RSU1: variants seen among roughly 807,000 people sequenced by gnomAD.
RSU1 encodes the protein rsu-1.
Under a neutral mutation model 31.1 loss-of-function variants are expected in RSU1, and 26 were observed. That is an observed-to-expected ratio of 0.84 (90% CI 0.61 to 1.16). RSU1 has a LOEUF of 1.16. Ranked by LOEUF, RSU1 falls within the 50% of genes most tolerant of loss-of-function variation. The pLI is 0.00. For missense variants in RSU1, 320 were observed against 339.1 expected, an observed-to-expected ratio of 0.94 and a Z score of 0.44; for synonymous variants, 164 against 136.3, an observed-to-expected ratio of 1.20 and a Z score of -1.41.
chr10:16,741,158 A>G (rs770212458), intron 7 of RSU1, among the ~76,000 whole-genome samples: 12 of 152,344 alleles, frequency 7.9e-5, no homozygotes, highest in Admixed American at 2.6e-4. Flanking sequence ...ATAAAACTAT[A>G]TATCTGCTGT....
rs118085194 is a variant in RSU1, at chr10:16,638,297, C to G, written c.732-44801G>C. On this transcript the variant is annotated intron_variant, in intron 8 of 8. Coordinates refer to ENST00000345264, the MANE Select transcript of RSU1 (RefSeq NM_012425.4). ...TTCCAAGCTCATTTGAACGTAATGC[C>G]TTTTTTTCGCGCGCATGTGTGTAGT... Among the ~76,000 whole-genome samples the G allele has an allele frequency of 9.5e-4, 144 of 152,096 alleles. 2 individuals are homozygous for G. The East Asian group carries it at 0.027, about 29-fold the overall frequency.
chr10:16,659,419 T>G (rs992809655), intron 8 of RSU1, among the ~76,000 whole-genome samples: 3 of 152,152 alleles, frequency 2.0e-5, no homozygotes, highest in Non-Finnish European at 2.9e-5. Context: ...ACCGATTTTT[T>G]GTGTACTTCA....
chr10:16,733,497 G>A (rs1014251084), intron 7 of RSU1, among the ~76,000 whole-genome samples: 4 of 152,026 alleles, frequency 2.6e-5, no homozygotes, highest in Admixed American at 6.6e-5. Context: ...GACAGAGTGA[G>A]ACTCTGTCGC....
At chr10:16,727,113 CA>C (rs1250754102) in intron 7 of RSU1, 2 of 456,440 alleles carry the variant, frequency 4.4e-6, no homozygotes, top group Non-Finnish European at 8.8e-6. Flanking sequence ...TGGTTTTTGC[CA>C]AGATGCCTAC....
intron 8 of RSU1, among the ~76,000 whole-genome samples, chr10:16,670,952 G>C (rs895028081): frequency 1.3e-5 from 2 of 152,032 alleles, no homozygotes; most frequent in Non-Finnish European, 2.9e-5. Flanking sequence ...TTTTAGTAGA[G>C]AAGGGGTTTC....
intron 7 of RSU1, among the ~76,000 whole-genome samples, chr10:16,750,279 C>A (rs550313884): frequency 1.3e-5 from 2 of 152,116 alleles, no homozygotes; most frequent in Non-Finnish European, 2.9e-5. Flanking sequence ...AAAGGTTTAT[C>A]ACGTACTTAC....
intron 8 of RSU1, among the ~76,000 whole-genome samples, chr10:16,639,370 C>A (rs751044488): frequency 3.3e-5 from 5 of 152,186 alleles, no homozygotes; most frequent in Non-Finnish European, 5.9e-5. Flanking sequence ...AAACAGCAGC[C>A]CTTACTATTA....
chr10:16,749,427 C>T (rs1836926821), intron 7 of RSU1, among the ~76,000 whole-genome samples: 1 of 152,134 alleles, frequency 6.6e-6, no homozygotes, highest in Non-Finnish European at 1.5e-5. Context: ...GGAAATTTCA[C>T]AGAAATCTCA....
chr10:16,709,841 T>C (rs1835982036), intron 7 of RSU1, among the ~76,000 whole-genome samples: 1 of 152,126 alleles, frequency 6.6e-6, no homozygotes, highest in South Asian at 2.1e-4. Flanking sequence ...TTTGATGGGG[T>C]TGTTTTTTTC....
intron 2 of RSU1, among the ~76,000 whole-genome samples, chr10:16,793,930 C>T (rs1367844544): frequency 6.6e-6 from 1 of 151,678 alleles, no homozygotes; most frequent in Non-Finnish European, 1.5e-5. Context: ...GCATTTGAAT[C>T]AGGGGACTGA....
At chr10:16,713,288 TTC>T (rs1836060372) in intron 7 of RSU1, among the ~76,000 whole-genome samples, 1 of 152,230 alleles carries the variant, frequency 6.6e-6, no homozygotes, top group African/African-American at 2.4e-5. Context: ...TACATAGGTT[TTC>T]TGTGTCTTTC....
chr10:16,711,139 T>A (rs1836009154), intron 7 of RSU1, among the ~76,000 whole-genome samples: 1 of 152,228 alleles, frequency 6.6e-6, no homozygotes, highest in African/African-American at 2.4e-5. Flanking sequence ...TGAATCTCAG[T>A]AGTTTGTATA....
At chr10:16,815,490 CTT>C (rs1838509896) in intron 2 of RSU1, among the ~76,000 whole-genome samples, 1 of 152,192 alleles carries the variant, frequency 6.6e-6, no homozygotes, top group South Asian at 2.1e-4. Context: ...CTTCTTCTCT[CTT>C]GTCACATCCT....
intron 5 of RSU1, 29 bp from the exon 6 acceptor site, chr10:16,753,029 G>A (rs1409110290): frequency 6.4e-7 from 1 of 1,569,286 alleles, no homozygotes. Context: ...TATATAAACA[G>A]GGTGGCATGG....
intron 3 of RSU1, among the ~76,000 whole-genome samples, chr10:16,769,710 C>A (rs549803957): frequency 1.3e-5 from 2 of 152,344 alleles, no homozygotes; most frequent in Admixed American, 1.3e-4. Context: ...TCATTGGCAG[C>A]ATCACGATTA....
At chr10:16,803,065 G>C (rs1410516339) in intron 2 of RSU1, among the ~76,000 whole-genome samples, 1 of 152,098 alleles carries the variant, frequency 6.6e-6, no homozygotes, top group Non-Finnish European at 1.5e-5. Flanking sequence ...AATGTATGCA[G>C]ATTGGAAAGG....
At chr10:16,754,705 A>G (rs1245525541) in intron 5 of RSU1, among the ~76,000 whole-genome samples, 166 bp downstream of exon 5, 2 of 152,172 alleles carry the variant, frequency 1.3e-5, no homozygotes, top group Non-Finnish European at 2.9e-5. Flanking sequence ...GATCTATCAA[A>G]TGCACATACT....
intron 2 of RSU1, among the ~76,000 whole-genome samples, chr10:16,806,660 T>C (rs1450592397): frequency 1.3e-5 from 2 of 152,360 alleles, no homozygotes; most frequent in East Asian, 3.9e-4. Flanking sequence ...TTCATCCTCC[T>C]AACAAAGAGT....
rs557571244 is a variant in RSU1, at chr10:16,670,644, G to T, written c.731+24379C>A. Among the ~76,000 whole-genome samples the T allele has an allele frequency of 4.6e-5, 7 of 152,200 alleles. No homozygotes were observed. In the South Asian group the frequency reaches 1.5e-3, roughly 32 times the overall value. ...CAATTAGATATCTCTCCACTTAAGG[G>T]TCTCCCAAAACCTCAAATTTAGTGC... On this transcript the variant is annotated intron_variant, in intron 8 of 8. Coordinates refer to ENST00000345264, the MANE Select transcript of RSU1 (RefSeq NM_012425.4).
Sources: allele counts gnomAD v4.1 joint callset (sites outside exome capture counted in the v4.1 genomes callset), GRCh38; gene constraint gnomAD v4.1.1; transcripts MANE v1.5; gene names NCBI Gene and HGNC (gene_info 2026-07-23, HGNC 2026-07-21).